SMARCA2: variants seen among roughly 807,000 people sequenced by gnomAD.
SMARCA2 encodes SWI/SNF related BAF chromatin remodeling complex subunit ATPase 2.
SMARCA2 carries 61 observed loss-of-function variants against 199.8 expected under a neutral mutation model. That is an observed-to-expected ratio of 0.31 (90% CI 0.25 to 0.38). SMARCA2 has a LOEUF of 0.38. Ranked by LOEUF, SMARCA2 falls within the 10% of genes least tolerant of loss-of-function variation. SMARCA2 has a pLI of 1.00. For synonymous variants in SMARCA2, 935 were observed against 732.0 expected (o/e 1.28, Z -4.48); for missense variants, 1,344 against 2,012.2 (o/e 0.67, Z 6.35).
intron 2 of SMARCA2, among the ~76,000 whole-genome samples, chr9:2,030,613 G>A (rs1303494147): frequency 2.0e-5 from 3 of 151,112 alleles, no homozygotes; most frequent in African/African-American, 7.3e-5. Flanking sequence ...ATTGCTGGAG[G>A]CAATCTGATT....
intron 9 of SMARCA2, among the ~76,000 whole-genome samples, chr9:2,062,785 C>G (rs1820659549): frequency 6.6e-6 from 1 of 152,094 alleles, no homozygotes; most frequent in Admixed American, 6.5e-5. Flanking sequence ...TGCCTTCTCT[C>G]ACAGTTTAAT....
chr9:2,117,242 G>A (rs1470549684), intron 25 of SMARCA2, among the ~76,000 whole-genome samples: 2 of 151,876 alleles, frequency 1.3e-5, no homozygotes, highest in Non-Finnish European at 2.9e-5. Context: ...GATATTTAAA[G>A]GTATCCTGAA....
intron 21 of SMARCA2, among the ~76,000 whole-genome samples, chr9:2,100,987 C>A (rs190443742): frequency 6.6e-6 from 1 of 151,964 alleles, no homozygotes; most frequent in Non-Finnish European, 1.5e-5. Flanking sequence ...AAAGGGAAAC[C>A]CCTTACAAAG....
At chr9:2,136,334 C>T (rs754985111) in intron 27 of SMARCA2, among the ~76,000 whole-genome samples, 21 of 150,868 alleles carry the variant, frequency 1.4e-4, no homozygotes, top group Non-Finnish European at 2.7e-4. Context: ...ATTACAGGCA[C>T]GTGCCACCAC....
Position 2,169,646 on chromosome 9 carries a change from C to T in SMARCA2, c.4200-773C>T, listed in dbSNP as rs987531348. On this transcript the variant is annotated intron_variant, in intron 28 of 33. Coordinates refer to ENST00000349721, the MANE Select transcript of SMARCA2 (RefSeq NM_003070.5). The surrounding 1 kb of genome is among the most constrained non-coding windows in gnomAD (Gnocchi z 6.5). ...ATGGACAGGCACAGGCTGTGAATCC[C>T]AAAGGGTGCTGTCTACACCTGGAGG... 1.3e-5 allele frequency among the ~76,000 whole-genome samples: 2 copies of T among 152,092 alleles called. No homozygotes were observed. Among genetic ancestry groups the T allele is most frequent in the African/African-American group, 2.4e-5 (1 of 41,424 alleles).
At chr9:2,192,078 C>G (rs1563849660) in intron 33 of SMARCA2, 1 of 156,394 alleles carries the variant, frequency 6.4e-6, no homozygotes, top group Non-Finnish European at 1.4e-5. Context: ...ACCCGAGTAG[C>G]ATAACTCAGT....
At position 2,161,575 on chromosome 9, in the gene SMARCA2, A is replaced by G. The variant is rs1825676532; in HGVS notation, c.3982-111A>G. 1 of 744,124 alleles carries G rather than the reference A, an allele frequency of 1.3e-6. No homozygotes were observed. The highest frequency in any genetic ancestry group is 2.9e-5 in the Admixed American group (1 of 34,940). The allele number at this position is 744,124 out of a possible 1,614,324, so 46.1% of individuals were successfully genotyped here. On this transcript the variant is annotated intron_variant, in intron 27 of 33. Coordinates refer to ENST00000349721, the MANE Select transcript of SMARCA2 (RefSeq NM_003070.5). The surrounding 1 kb of genome is among the most constrained non-coding windows in gnomAD (Gnocchi z 4.7). ...GTTAACTTTTACTTTTTTTTGGTTA[A>G]TTTCTTTCATTTTATTCTAATTGTT... is the stretch of plus-strand genomic sequence containing the variant.
rs1826569197 is a variant in SMARCA2, at chr9:2,176,074, T to C, written c.4254-5497T>C. On this transcript the variant is annotated intron_variant, in intron 29 of 33. Coordinates refer to ENST00000349721, the MANE Select transcript of SMARCA2 (RefSeq NM_003070.5). ...TTTTTTATTTTTGGTAAAGATGAGG[T>C]TTCTCCATGTTGGTCAGGCTGGTCT... Among the ~76,000 whole-genome samples the C allele has an allele frequency of 2.0e-5, 3 of 151,836 alleles. 1 individual carries two copies. Among genetic ancestry groups the C allele is most frequent in the Admixed American group, 2.0e-4 (3 of 15,242 alleles).
At chr9:2,153,158 A>G (rs1825166846) in intron 27 of SMARCA2, among the ~76,000 whole-genome samples, 1 of 152,218 alleles carries the variant, frequency 6.6e-6, no homozygotes, top group Non-Finnish European at 1.5e-5. Flanking sequence ...CAAATTTAGG[A>G]GTATGGCAGT....
At chr9:2,062,888 A>G (rs946375477) in intron 9 of SMARCA2, among the ~76,000 whole-genome samples, 9 of 152,190 alleles carry the variant, frequency 5.9e-5, no homozygotes, top group South Asian at 2.1e-4. Context: ...CAACTATACA[A>G]TGACAAGCTG....
intron 27 of SMARCA2, among the ~76,000 whole-genome samples, chr9:2,144,859 G>T (rs987890979): frequency 3.9e-5 from 6 of 152,072 alleles, no homozygotes; most frequent in African/African-American, 1.2e-4. Flanking sequence ...TGCTGCTGAG[G>T]ACATCCAGAC....
chr9:2,057,912 C>G (rs960483241), intron 7 of SMARCA2, among the ~76,000 whole-genome samples: 3 of 152,136 alleles, frequency 2.0e-5, no homozygotes, highest in Admixed American at 1.3e-4. Context: ...TTGTGACATA[C>G]TTTTTGCTGG....
intron 7 of SMARCA2, among the ~76,000 whole-genome samples, chr9:2,057,196 A>C (rs1353550079): frequency 2.0e-5 from 3 of 152,246 alleles, no homozygotes; most frequent in Non-Finnish European, 4.4e-5. Flanking sequence ...GCCTGAGATC[A>C]GGGTACTAGC....
At chr9:2,043,791 A>G (rs79107764) in intron 4 of SMARCA2, 1 of 152,164 alleles carries the variant, frequency 6.6e-6, no homozygotes, top group Admixed American at 6.5e-5. Context: ...GATGCATTCA[A>G]TAAAGACTGC....
chr9:2,158,106 G>T (rs2130742427), intron 27 of SMARCA2: 1 of 158,612 alleles, frequency 6.3e-6, no homozygotes, highest in Non-Finnish European at 1.2e-5. Context: ...CCTGAGTCAT[G>T]AAAAACATTT....
intron 9 of SMARCA2, among the ~76,000 whole-genome samples, chr9:2,068,346 T>C (rs1314127537): frequency 6.6e-6 from 1 of 152,000 alleles, no homozygotes; most frequent in Non-Finnish European, 1.5e-5. Context: ...AAAGGGAGCA[T>C]TTTATTTCCT....
intron 27 of SMARCA2, chr9:2,160,062 T>TGCAAGGC: frequency 1.1e-6 from 1 of 923,884 alleles, no homozygotes; most frequent in Non-Finnish European, 1.6e-6. Flanking sequence ...GTTGACAGCC[T>TGCAAGGC]TGCATGCTGT....
chr9:2,176,833 C>T (rs1448221146), intron 29 of SMARCA2, among the ~76,000 whole-genome samples: 3 of 152,024 alleles, frequency 2.0e-5, no homozygotes, highest in Non-Finnish European at 2.9e-5. Context: ...GCGGGGATTG[C>T]AGGTGTGAGC....
rs755849046 is a variant in SMARCA2, at chr9:2,039,875, C to G, written c.765C>G (p.Ala255=). 1.1e-5 allele frequency: 17 copies of G among 1,613,720 alleles called. No homozygotes were observed. The highest frequency in any genetic ancestry group is 1.7e-5 in the Admixed American group (1 of 59,972). Residue 255 remains alanine (A), a synonymous_variant, in exon 4 of 34, where the codon GCC becomes GCG. Transcript: ENST00000349721. The surrounding 1 kb of genome is among the most constrained non-coding windows in gnomAD (Gnocchi z 4.8). ...AGACGCAGCAACAACAGCAGCCGGC[C>G]CTTGTTAACTACAACAGACCATCTG... ...QPQTQQQQQP[A]LVNYNRPSGP... is the part of the protein sequence containing the mutation.
Sources: allele counts gnomAD v4.1 joint callset (sites outside exome capture counted in the v4.1 genomes callset), GRCh38; gene constraint gnomAD v4.1.1; non-coding constraint Gnocchi (gnomAD v3.1); transcripts MANE v1.5; gene names NCBI Gene and HGNC (gene_info 2026-07-23, HGNC 2026-07-21).